Variants in MIER2 observed in about 807,000 individuals in gnomAD.
MIER2 encodes the protein MIER family member 2, also known as mesoderm induction early response protein 2.
MIER2 carries 30 observed loss-of-function variants against 67.6 expected under a neutral mutation model. The ratio of observed to expected loss-of-function variants is 0.44; its 90% CI spans 0.33 to 0.60. The LOEUF is 0.60. Ranked by LOEUF, MIER2 falls within the 20% of genes least tolerant of loss-of-function variation. The pLI is 0.02. For missense variants in MIER2, 702 were observed against 745.1 expected, an observed-to-expected ratio of 0.94 and a Z score of 0.67; for synonymous variants, 372 against 312.6, an observed-to-expected ratio of 1.19 and a Z score of -2.00.
chr19:338,240 G>C (rs989706313), intron 1 of MIER2, among the ~76,000 whole-genome samples: 1 of 151,186 alleles, frequency 6.6e-6, no homozygotes, highest in East Asian at 1.9e-4. Flanking sequence ...TGCTGGTGCT[G>C]GTGACATGAT....
chr19:344,327 CG>C (rs1372871841), intron 1 of MIER2: 1 of 984,724 alleles, frequency 1.0e-6, no homozygotes, highest in Non-Finnish European at 1.2e-6. Context: ...CGATGGGGAG[CG>C]CGGGGCGCCT....
chr19:312,696 G>C (rs1454311571), intron 8 of MIER2, among the ~76,000 whole-genome samples: 6 of 22,362 alleles, frequency 2.7e-4, no homozygotes, highest in Non-Finnish European at 3.6e-4. Context: ...TATCCAGGGA[G>C]TGACATCAGG....
At chr19:321,886 GTTTTTATTTTTA>G (rs545011226) in intron 7 of MIER2, among the ~76,000 whole-genome samples, 38 of 152,002 alleles carry the variant, frequency 2.5e-4, no homozygotes, top group African/African-American at 4.3e-4. Flanking sequence ...GACTTTTGTT[GTTTTTATTTTTA>G]TTTTTATTTT....
chr19:344,650 G>A (rs1317410222), intron 1 of MIER2, 124 bp downstream of exon 1: 16 of 603,976 alleles, frequency 2.6e-5, no homozygotes, highest in Non-Finnish European at 3.2e-5. Context: ...AGGCGCCCCG[G>A]CCGGCCTCAG....
At chr19:326,943 G>C (rs1223868801) in intron 5 of MIER2, 190 bp downstream of exon 5, 2 of 731,168 alleles carry the variant, frequency 2.7e-6, no homozygotes, top group Middle Eastern at 4.0e-4. Flanking sequence ...ATCGCTCTGA[G>C]AGTCCAGGCT....
At chr19:339,128 A>G (rs1260756840) in intron 1 of MIER2, among the ~76,000 whole-genome samples, 2 of 152,232 alleles carry the variant, frequency 1.3e-5, no homozygotes, top group South Asian at 2.1e-4. Flanking sequence ...CCAAAATTAA[A>G]AACTTTTGTG....
chr19:339,638 G>A (rs139961340), intron 1 of MIER2, among the ~76,000 whole-genome samples: 7 of 152,270 alleles, frequency 4.6e-5, no homozygotes, highest in Non-Finnish European at 7.3e-5. Context: ...ACTAGCAACG[G>A]GGCAAAGAAG....
intron 7 of MIER2, among the ~76,000 whole-genome samples, chr19:320,988 T>C (rs1305274851): frequency 6.6e-6 from 1 of 152,142 alleles, no homozygotes; most frequent in East Asian, 1.9e-4. Flanking sequence ...ATCCGTCAAG[T>C]AGCCGACACA....
chr19:341,490 G>C (rs963024890), intron 1 of MIER2, among the ~76,000 whole-genome samples: 3 of 152,138 alleles, frequency 2.0e-5, no homozygotes, highest in Non-Finnish European at 4.4e-5. Context: ...TGAGCAGCCT[G>C]GGATCCCCAA....
chr19:319,614 A>T (rs776867105), intron 7 of MIER2, among the ~76,000 whole-genome samples: 7 of 152,020 alleles, frequency 4.6e-5, no homozygotes, highest in Non-Finnish European at 1.0e-4. Flanking sequence ...GCGTGCCACC[A>T]CGCTCAGCTA....
chr19:318,399 A>G (rs1254964668), intron 7 of MIER2, among the ~76,000 whole-genome samples: 4 of 152,238 alleles, frequency 2.6e-5, no homozygotes, highest in Admixed American at 2.6e-4. Context: ...AAACAATTCA[A>G]CACAAAGACA....
Position 325,747 on chromosome 19 carries a change from T to C in MIER2, c.586-43A>G, listed in dbSNP as rs181774550. On this transcript the variant is annotated intron_variant, in intron 6 of 13. Transcript: ENST00000264819. ...GGGAATCAGGACACTGAGGAGCATC[T>C]AGGCCGGGCGGGAGGCTGGCTGCAG... 638 of 1,610,702 alleles carry C rather than the reference T, an allele frequency of 4.0e-4. 1 individual carries two copies. The African/African-American group carries it at 7.6e-3, about 19-fold the overall frequency.
intron 3 of MIER2, among the ~76,000 whole-genome samples, chr19:330,854 G>C (rs187704471): frequency 1.6e-4 from 24 of 152,258 alleles, no homozygotes; most frequent in Admixed American, 1.4e-3. Flanking sequence ...CTCTTGACCT[G>C]TGAGGTTCAC....
chr19:342,906 A>G (rs1361594207), intron 1 of MIER2, among the ~76,000 whole-genome samples: 1 of 152,126 alleles, frequency 6.6e-6, no homozygotes, highest in Non-Finnish European at 1.5e-5. Context: ...AACCTGCCCA[A>G]GACCACACAG....
rs1339438990 is a variant in MIER2, at chr19:308,294, G to A, written c.1198+283C>T. 6.6e-6 allele frequency among the ~76,000 whole-genome samples: 1 copy of A among 152,150 alleles called. No individual in the cohort carries two copies. The highest frequency in any genetic ancestry group is 1.5e-5 in the Non-Finnish European group (1 of 68,010). ...GGCCCTCCCCGGAGACTGAGGCCTG[G>A]TAAATACCCCAACCTCACCATACGG... On this transcript the variant is annotated intron_variant, in intron 12 of 13. Transcript: ENST00000264819. The surrounding 1 kb of genome is among the most constrained non-coding windows in gnomAD (Gnocchi z 9.1).
chr19:336,227 A>T (rs1272912595), intron 1 of MIER2, 54 bp from the exon 2 acceptor site: 1 of 1,460,168 alleles, frequency 6.8e-7, no homozygotes, highest in Non-Finnish European at 9.5e-7. Context: ...CTGCTGCTGG[A>T]CATCACAGTG....
At chr19:343,865 G>A (rs1972616948) in intron 1 of MIER2, 1 of 985,136 alleles carries the variant, frequency 1.0e-6, no homozygotes, top group Admixed American at 6.2e-5. Context: ...GTCCACACAG[G>A]CTCATCCACC....
intron 7 of MIER2, among the ~76,000 whole-genome samples, chr19:316,047 A>G (rs1268364169): frequency 1.3e-5 from 2 of 152,272 alleles, no homozygotes; most frequent in Non-Finnish European, 2.9e-5. Context: ...AAATTTTTCA[A>G]GTGTTGAAAG....
chr19:316,097 A>G (rs1279057900), intron 7 of MIER2, among the ~76,000 whole-genome samples: 1 of 152,266 alleles, frequency 6.6e-6, no homozygotes, highest in Non-Finnish European at 1.5e-5. Context: ...CCATGAAAAT[A>G]TGCTTTAAAG....
Sources: allele counts gnomAD v4.1 joint callset (sites outside exome capture counted in the v4.1 genomes callset), GRCh38; gene constraint gnomAD v4.1.1; non-coding constraint Gnocchi (gnomAD v3.1); transcripts MANE v1.5; gene names NCBI Gene and HGNC (gene_info 2026-07-23, HGNC 2026-07-21).